The following LGMN variants were observed in gnomAD, a reference collection of about 807,000 sequenced individuals.
LGMN encodes asparaginyl endopeptidase.
LGMN carries 36 observed loss-of-function variants against 56.8 expected under a neutral mutation model. The observed-to-expected ratio is 0.63, with a 90% confidence interval of 0.49 to 0.84. The LOEUF (loss-of-function observed/expected upper bound fraction) is 0.84, where lower values mean the gene tolerates loss of function less well. LGMN is among the 40% of genes least tolerant of loss of function. The pLI is 0.00. For synonymous variants in LGMN, 199 were observed against 210.1 expected, an observed-to-expected ratio of 0.95 and a Z score of 0.46; for missense variants, 446 against 556.1, an observed-to-expected ratio of 0.80 and a Z score of 1.99.
chr14:92,738,716 G>T (rs753232016), intron 1 of LGMN, among the ~76,000 whole-genome samples: 4 of 151,738 alleles, frequency 2.6e-5, no homozygotes, highest in Non-Finnish European at 5.9e-5. Flanking sequence ...AATAGAAAAT[G>T]CTACTTTAAA....
At chr14:92,709,921 TGAGAGAAGGCCAGAGAGAGAGG>T (rs764980036) in intron 10 of LGMN, 49 bp from the exon 11 acceptor site, 2 of 1,462,832 alleles carry the variant, frequency 1.4e-6, no homozygotes, top group African/African-American at 2.8e-5. Flanking sequence ...CGAGAGAGAG[TGAGAGAAGGCCAGAGAGAGAGG>T]GAGAGAGAGA....
rs968867230 is a variant in LGMN at position 92,712,997 on chromosome 14, T to A, written c.544-126A>T. The A allele has an allele frequency of 5.3e-6, 4 of 752,686 alleles. No homozygotes were observed. The African/African-American group carries it at 7.1e-5, about 13-fold the overall frequency. The allele number at this position is 752,686 out of a possible 1,614,324, so 46.6% of individuals were successfully genotyped here. A position where few individuals can be genotyped will look rare whatever the true frequency, so the allele number is the denominator to read the frequency against. On this transcript the variant is annotated intron_variant, in intron 7 of 13. Transcript: ENST00000334869. ...TCCTCCAGGCTTGCTTCTGGAGACA[T>A]TACTGCTGTAAAGAGGCTGCTGCCA...
rs1267918969 is a variant in LGMN at position 92,704,139 on chromosome 14, G to A, written c.*180C>T. On this transcript the variant is annotated 3_prime_UTR_variant, in exon 14 of 14. Transcript: ENST00000334869. ...AATTTGTAGTTTTTCAGAAAAGACT[G>A]GGGAAGCAGGTAACAGCGAGCAAGT... 4.0e-6 allele frequency: 3 copies of A among 755,380 alleles called. No homozygotes were observed. Among genetic ancestry groups the A allele is most frequent in the Admixed American group, 2.0e-5 (1 of 50,606 alleles). 46.8% of individuals were successfully genotyped at this position (755,380 alleles called of 1,614,324 possible).
intron 2 of LGMN, among the ~76,000 whole-genome samples, chr14:92,724,190 T>C (rs1419235064): frequency 6.6e-6 from 1 of 152,254 alleles, no homozygotes; most frequent in Non-Finnish European, 1.5e-5. Flanking sequence ...TAAAGTTATA[T>C]ATTTTCTGCA....
chr14:92,719,227 A>ACCGCCGCCG (rs1285665387), intron 2 of LGMN, among the ~76,000 whole-genome samples: 11 of 63,278 alleles, frequency 1.7e-4, no homozygotes, highest in African/African-American at 9.1e-4. Flanking sequence ...CAACACCACC[A>ACCGCCGCCG]CCGCCACCGC....
Position 92,706,490 on chromosome 14 carries a change from G to T in LGMN, c.1184C>A (p.Ser395Tyr), listed in dbSNP as rs138973517. The T allele has an allele frequency of 1.3e-6, 2 of 1,549,052 alleles. No homozygotes were observed. The change falls in exon 12 of 14, where the codon TCC becomes TAC. Residue 395 changes from serine to tyrosine, a missense_variant. Coordinates refer to ENST00000334869, the MANE Select transcript of LGMN (RefSeq NM_005606.7). ...GAGAGCCTGCTGGCTCACCGTGGGG[G>T]AGTGCCAGTTGAAGCAGTGGGTCCG... Reference protein sequence around the residue: ...HFRTHCFNWHSPTYEYALRHL... With the variant: ...HFRTHCFNWHYPTYEYALRHL...
At chr14:92,709,540 G>A in intron 11 of LGMN, 132 bp downstream of exon 11, 1 of 758,000 alleles carries the variant, frequency 1.3e-6, no homozygotes, top group South Asian at 1.8e-5. Flanking sequence ...GTTACATGGA[G>A]GACAAAGGCT....
intron 1 of LGMN, chr14:92,741,219 A>G (rs1891540305): frequency 6.6e-6 from 1 of 151,984 alleles, no homozygotes; most frequent in South Asian, 2.1e-4. Context: ...CTTCACTTGG[A>G]TCCAAGAAAT....
chr14:92,722,775 G>A (rs551139496), intron 2 of LGMN, among the ~76,000 whole-genome samples: 2 of 152,232 alleles, frequency 1.3e-5, no homozygotes, highest in African/African-American at 4.8e-5. Flanking sequence ...GCCAAAAATA[G>A]GCAAAAGATT....
In LGMN at chr14:92,714,862, CCA is replaced by C. The variant is rs1889986455; in HGVS notation, c.405-413_405-412del. ...TCCCCCCCTCCAGGCCTCCTGTGGC[CCA>C]CAGTCTGGATGCCCACCTACCTGCC... is the stretch of plus-strand genomic sequence containing the variant. On this transcript the variant is annotated intron_variant, in intron 5 of 13. Transcript: ENST00000334869. The surrounding 1 kb of genome is among the most constrained non-coding windows in gnomAD (Gnocchi z 5.1). 6.6e-6 allele frequency among the ~76,000 whole-genome samples: 1 copy of C among 152,156 alleles called. No homozygotes were observed. Among genetic ancestry groups the C allele is most frequent in the Non-Finnish European group, 1.5e-5 (1 of 68,028 alleles).
In LGMN at chr14:92,718,775, T is replaced by G. The variant is rs146179634; in HGVS notation, c.208A>C (p.Met70Leu). The G allele has an allele frequency of 2.8e-5, 45 of 1,612,792 alleles. No homozygotes were observed. Among genetic ancestry groups the G allele is most frequent in the Non-Finnish European group, 3.7e-5 (44 of 1,179,170 alleles). Residue 70 changes from methionine (M) to leucine (L), a missense_variant, in exon 3 of 14, where the codon ATG becomes CTG. Coordinates refer to ENST00000334869, the MANE Select transcript of LGMN (RefSeq NM_005606.7). ...TCAGAGTAAGCAATGTCATCGTACA[T>G]CATCACAACGATCTGTTCGTCAGGA... is the stretch of plus-strand genomic sequence containing the variant. ...GIPDEQIVVM[M>L]YDDIAYSEDN...
At chr14:92,742,299 T>TC (rs1891595783) in intron 1 of LGMN, among the ~76,000 whole-genome samples, 1 of 102,886 alleles carries the variant, frequency 9.7e-6, no homozygotes, top group Non-Finnish European at 1.9e-5. Flanking sequence ...TTGCTTTTTT[T>TC]TTTTTTCTTT....
intron 12 of LGMN, among the ~76,000 whole-genome samples, chr14:92,705,666 C>T (rs769407041): frequency 2.0e-5 from 3 of 151,986 alleles, no homozygotes; most frequent in South Asian, 2.1e-4. Context: ...TTCACTCTGT[C>T]GCCCAGGCTG....
chr14:92,718,895 T>C, intron 2 of LGMN, 51 bp from the exon 3 acceptor site: 1 of 1,373,132 alleles, frequency 7.3e-7, no homozygotes, highest in Non-Finnish European at 1.0e-6. Flanking sequence ...GAGGCCAATT[T>C]TGGAGTTCTA....
At chr14:92,704,577 T>C in intron 13 of LGMN, 63 bp downstream of exon 13, 2 of 1,390,262 alleles carry the variant, frequency 1.4e-6, no homozygotes, top group East Asian at 2.3e-5. Flanking sequence ...CAGAAGAGGA[T>C]GGCAGCCCCT....
chr14:92,739,774 T>C (rs2140276624), intron 1 of LGMN, among the ~76,000 whole-genome samples: 1 of 152,300 alleles, frequency 6.6e-6, no homozygotes, highest in East Asian at 1.9e-4. Flanking sequence ...CTGGATCAAT[T>C]ACAGTACAGC....
chr14:92,719,315 CCGCCGCCGCCACCGCCACCGCCAT>C (rs1890316064), intron 2 of LGMN, among the ~76,000 whole-genome samples: 7 of 44,482 alleles, frequency 1.6e-4, no homozygotes, highest in Non-Finnish European at 2.1e-4. Context: ...GCCGCCACCG[CCGCCGCCGCCACCGCCACCGCCAT>C]CACCGCCACC....
chr14:92,734,044 A>G (rs1891184917), intron 1 of LGMN, among the ~76,000 whole-genome samples: 3 of 152,224 alleles, frequency 2.0e-5, no homozygotes, highest in Admixed American at 2.0e-4. Context: ...AAAAACATTG[A>G]TGGGCAATTT....
intron 2 of LGMN, among the ~76,000 whole-genome samples, chr14:92,722,514 G>A (rs1890528728): frequency 6.6e-6 from 1 of 152,018 alleles, no homozygotes; most frequent in African/African-American, 2.4e-5. Flanking sequence ...AACCCGGGAG[G>A]CAGAGGTTGC....
Sources: gnomAD v4.1 joint callset for allele counts (sites outside exome capture counted in the v4.1 genomes callset) on GRCh38, gnomAD v4.1.1 for gene constraint, Gnocchi (gnomAD v3.1) non-coding constraint, MANE v1.5 for transcripts, NCBI Gene and HGNC (gene_info 2026-07-23, HGNC 2026-07-21) for gene names.